SMC2: variants seen among roughly 807,000 people sequenced by gnomAD.
SMC2 encodes the protein structural maintenance of chromosomes 2.
Under a neutral mutation model 142.6 loss-of-function variants are expected in SMC2, and 41 were observed. The observed-to-expected ratio is 0.29, with a 90% CI of 0.22 to 0.37. The LOEUF is 0.37. SMC2 is among the 10% of genes least tolerant of loss of function. The pLI, the probability that SMC2 is intolerant of heterozygous loss-of-function variation, is 1.00. For synonymous variants in SMC2, 463 were observed against 457.5 expected, an observed-to-expected ratio of 1.01 and a Z score of -0.15; for missense variants, 1,265 against 1,373.7, an observed-to-expected ratio of 0.92 and a Z score of 1.25.
At chr9:104,091,669 TTTC>T (rs1380524044), upstream of SMC2, among the ~76,000 whole-genome samples, 2 of 152,220 alleles carry the variant, frequency 1.3e-5, no homozygotes, top group African/African-American at 4.8e-5. Context: ...GGTAAAGTCC[TTTC>T]TTTTTTTCTT....
At chr9:104,102,618 T>C (rs762278280) in intron 9 of SMC2, 45 bp downstream of exon 9, 2 of 1,564,626 alleles carry the variant, frequency 1.3e-6, no homozygotes, top group South Asian at 1.2e-5. Flanking sequence ...TAGACAAGTA[T>C]ATAGTCTCAT....
intron 9 of SMC2, among the ~76,000 whole-genome samples, chr9:104,108,376 C>T (rs1832050444): frequency 6.6e-6 from 1 of 152,206 alleles, no homozygotes; most frequent in Admixed American, 6.5e-5. Flanking sequence ...ATCAAACAAA[C>T]ACTTCAGCCA....
intron 17 of SMC2, 124 bp downstream of exon 17, chr9:104,123,356 C>A: frequency 1.1e-6 from 1 of 899,894 alleles, no homozygotes; most frequent in Non-Finnish European, 1.6e-6. Flanking sequence ...AGGGAAAATC[C>A]AAGTATGGGA....
upstream of SMC2, among the ~76,000 whole-genome samples, chr9:104,091,711 C>T (rs1324330525): frequency 3.9e-5 from 6 of 152,156 alleles, no homozygotes; most frequent in African/African-American, 9.7e-5. Flanking sequence ...AAAGGATTCA[C>T]TCGGGTCCCT....
intron 3 of SMC2, among the ~76,000 whole-genome samples, chr9:104,096,683 G>C (rs569530896): frequency 2.0e-5 from 3 of 152,340 alleles, no homozygotes; most frequent in Non-Finnish European, 4.4e-5. Flanking sequence ...AGAGTCTGCT[G>C]TCTTCAAATT....
intron 9 of SMC2, among the ~76,000 whole-genome samples, chr9:104,108,494 G>C (rs1319897899): frequency 6.6e-6 from 1 of 152,100 alleles, no homozygotes; most frequent in Non-Finnish European, 1.5e-5. Flanking sequence ...AGATGCCTCA[G>C]GCACTGTCTG....
At chr9:104,089,653 C>T (rs1158876646), upstream of SMC2, among the ~76,000 whole-genome samples, 1 of 152,038 alleles carries the variant, frequency 6.6e-6, no homozygotes, top group African/African-American at 2.4e-5. Context: ...ATGAGTAGTA[C>T]ATGAAAATTT....
chr9:104,132,256 A>T, intron 22 of SMC2, 131 bp downstream of exon 22: 1 of 576,248 alleles, frequency 1.7e-6, no homozygotes, highest in Non-Finnish European at 3.1e-6. Flanking sequence ...CTTAATTAAA[A>T]CCTCTGACTT....
In SMC2 at chr9:104,139,462, C is replaced by T. The variant is rs977044487; in HGVS notation, c.*147C>T. ...TCTTTATATAATCACTTATCGCTTACAAATGAGCATATATTCCTCATCTCT... is the reference window on the plus strand; with the variant it reads ...TCTTTATATAATCACTTATCGCTTATAAATGAGCATATATTCCTCATCTCT... On this transcript the variant is annotated 3_prime_UTR_variant, in exon 25 of 25. Transcript: ENST00000374793. 10 of 590,244 alleles carry T rather than the reference C, an allele frequency of 1.7e-5. No individual in the cohort carries two copies. In the African/African-American group the frequency reaches 2.0e-4, roughly 12 times the overall value. The allele number at this position is 590,244 out of a possible 1,614,324, so 36.6% of individuals were successfully genotyped here.
In SMC2 at chr9:104,102,453, A is replaced by G; in HGVS notation, c.900A>G (p.Glu300=). 1 of 1,610,670 alleles carries G rather than the reference A, an allele frequency of 6.2e-7. No individual in the cohort carries two copies. The highest frequency in any genetic ancestry group is 1.7e-4 in the Middle Eastern group (1 of 6,044). Residue 300 remains glutamate, a synonymous_variant, in exon 9 of 25, where the codon GAA becomes GAG. Coordinates refer to ENST00000374793, the MANE Select transcript of SMC2 (RefSeq NM_006444.3). ...KETGGILRSL[E]DALAEAQRVN... ...CTGGAGGTATACTTCGATCTTTAGA[A>G]GATGCTCTTGCAGAGGCTCAGCGAG...
intron 15 of SMC2, among the ~76,000 whole-genome samples, chr9:104,119,506 T>C (rs765616663): frequency 6.6e-6 from 1 of 152,186 alleles, no homozygotes; most frequent in Non-Finnish European, 1.5e-5. Context: ...CCCCGAAATC[T>C]TAGCTTACAA....
chr9:104,129,580 A>G, intron 20 of SMC2, 65 bp from the exon 21 acceptor site: 1 of 1,198,650 alleles, frequency 8.3e-7, no homozygotes, highest in Non-Finnish European at 1.2e-6. Context: ...TAGTTAAGAA[A>G]CTGGCTTATA....
At chr9:104,118,081 C>T in intron 14 of SMC2, 90 bp from the exon 15 acceptor site, 2 of 934,742 alleles carry the variant, frequency 2.1e-6, no homozygotes, top group Admixed American at 2.5e-5. Flanking sequence ...ATTTAAGTTT[C>T]TATTACAGCA....
At chr9:104,095,235 A>G (rs775041181) in intron 1 of SMC2, 89 bp from the exon 2 acceptor site, 160 of 605,040 alleles carry the variant, frequency 2.6e-4, no homozygotes, top group East Asian at 2.2e-3. Flanking sequence ...TTTTATTTCT[A>G]TCACCCTATC....
In SMC2 at chr9:104,102,568, G is replaced by T; in HGVS notation, c.1015G>T (p.Val339Phe). 6.2e-7 allele frequency: 1 copy of T among 1,612,720 alleles called. No homozygotes were observed. The change falls in exon 9 of 25, where the codon GTT (valine) becomes TTT (phenylalanine). Residue 339 changes from valine (V) to phenylalanine (F), a missense_variant. Transcript: ENST00000374793. ...SKRKELEKNM[V>F]EDSKTLAAKE... is the part of the protein sequence containing the mutation. ...ACGCAAAGAGCTGGAAAAAAATATG[G>T]TTGAGGTAAGTGAGCTTAATGTGCC...
chr9:104,129,405 G>A (rs1834684228), intron 20 of SMC2, among the ~76,000 whole-genome samples: 1 of 151,908 alleles, frequency 6.6e-6, no homozygotes, highest in Non-Finnish European at 1.5e-5. Context: ...AGGAGGCTGA[G>A]GCAGCAGAAT....
chr9:104,099,651 T>A lies in SMC2; in HGVS notation c.449T>A (p.Ile150Asn). ...TTGCTATTTTATTTTCAGGGCCGAA[T>A]TACAAAAGTATTGAATATGAAACCT... ...NPHFLIMQGRITKVLNMKPPE... is the reference protein window; with the variant it reads ...NPHFLIMQGRNTKVLNMKPPE... The change falls in exon 5 of 25, where the codon ATT (isoleucine) becomes AAT (asparagine). Residue 150 changes from isoleucine (I) to asparagine (N), a missense_variant. Around this residue, in one of 4 missense-constraint regions of SMC2, gnomAD observed 168 missense variants for 184.8 expected, o/e 0.91. Transcript: ENST00000374793. 1 of 1,571,824 alleles carries A rather than the reference T, an allele frequency of 6.4e-7. No individual in the cohort carries two copies. The highest frequency in any genetic ancestry group is 8.8e-7 in the Non-Finnish European group (1 of 1,142,466).
chr9:104,100,916 T>C (rs538140226), intron 7 of SMC2, among the ~76,000 whole-genome samples: 1 of 152,312 alleles, frequency 6.6e-6, no homozygotes, highest in Non-Finnish European at 1.5e-5. Flanking sequence ...TGGCACAATA[T>C]GTCATCAAAA....
chr9:104,133,410 T>C (rs981923049), intron 22 of SMC2, among the ~76,000 whole-genome samples: 1 of 152,182 alleles, frequency 6.6e-6, no homozygotes, highest in Non-Finnish European at 1.5e-5. Context: ...TTAAAATGTG[T>C]GTTACTTAGT....
Sources: gnomAD v4.1 joint callset for allele counts (sites outside exome capture counted in the v4.1 genomes callset) on GRCh38, gnomAD v4.1.1 for gene constraint, gnomAD v4.1.1 regional missense constraint, MANE v1.5 for transcripts, NCBI Gene and HGNC (gene_info 2026-07-23, HGNC 2026-07-21) for gene names.